CCDC178: variants seen among roughly 807,000 people sequenced by gnomAD.
The protein encoded by CCDC178 is coiled-coil domain containing 178, also known as coiled-coil domain-containing protein 178.
CCDC178 carries 126 observed loss-of-function variants against 117.4 expected under a neutral mutation model. The ratio of observed to expected loss-of-function variants is 1.07; its 90% CI spans 0.93 to 1.24. CCDC178 has a LOEUF of 1.24. CCDC178 is among the 50% of genes most tolerant of loss of function. The pLI is 0.00. For synonymous variants in CCDC178, 283 were observed against 313.4 expected (o/e 0.90, Z 1.02); for missense variants, 1,030 against 986.9 (o/e 1.04, Z -0.59).
chr18:33,281,258 C>T (rs2060022845), intron 12 of CCDC178, among the ~76,000 whole-genome samples: 1 of 151,824 alleles, frequency 6.6e-6, no homozygotes, highest in Admixed American at 6.6e-5. Context: ...TTTCTTAGTT[C>T]TCCATTTCAC....
At chr18:33,171,784 C>T (rs1390273240) in intron 20 of CCDC178, among the ~76,000 whole-genome samples, 1 of 152,192 alleles carries the variant, frequency 6.6e-6, no homozygotes, top group African/African-American at 2.4e-5. Flanking sequence ...CTTTAGTTTC[C>T]TGTGTTCCCA....
rs570930427 is a variant in CCDC178 at position 33,292,148 on chromosome 18, T to C, written c.1176+1011A>G. Among the ~76,000 whole-genome samples, 25 of 152,310 alleles carry C rather than the reference T, an allele frequency of 1.6e-4. No individual in the cohort carries two copies. The South Asian group carries it at 4.8e-3, about 29-fold the overall frequency. On this transcript the variant is annotated intron_variant, in intron 12 of 22. Coordinates refer to ENST00000383096, the MANE Select transcript of CCDC178 (RefSeq NM_001105528.4). ...CTACACCTTCATGTTTACTGTGGCA[T>C]AATTCACAAAACCTAAGATATGAAA...
intron 3 of CCDC178, among the ~76,000 whole-genome samples, chr18:33,399,860 C>G (rs1403883440): frequency 6.6e-6 from 1 of 152,140 alleles, no homozygotes; most frequent in Non-Finnish European, 1.5e-5. Context: ...GTACACTTTC[C>G]TCAAGGTTTT....
intron 11 of CCDC178, among the ~76,000 whole-genome samples, chr18:33,318,940 CT>C (rs2062461228): frequency 6.6e-6 from 1 of 152,056 alleles, no homozygotes; most frequent in South Asian, 2.1e-4. Context: ...AAGAAAATAT[CT>C]TTTGAACAAA....
At chr18:33,094,674 T>C (rs2057516854) in intron 20 of CCDC178, among the ~76,000 whole-genome samples, 1 of 151,982 alleles carries the variant, frequency 6.6e-6, no homozygotes, top group Admixed American at 6.6e-5. Flanking sequence ...TATACTTTGC[T>C]CAATGTTTAA....
rs767516233 is a variant in CCDC178, at chr18:33,378,429, ATTTC to A, written c.209-8244_209-8241del. On this transcript the variant is annotated intron_variant, in intron 5 of 22. Coordinates refer to ENST00000383096, the MANE Select transcript of CCDC178 (RefSeq NM_001105528.4). ...ACATCTTCCTGTTTGGATGCCTTTTATTTCTTTCTCTCACCTGATTGCTATGGCA... is the reference window on the plus strand; with the variant it reads ...ACATCTTCCTGTTTGGATGCCTTTTATTTCTCTCACCTGATTGCTATGGCA... Among the ~76,000 whole-genome samples the A allele has an allele frequency of 3.6e-4, 55 of 152,122 alleles. No homozygotes were observed. In the Middle Eastern group the frequency reaches 0.014, roughly 38 times the overall value.
intron 2 of CCDC178, among the ~76,000 whole-genome samples, chr18:33,419,587 A>G (rs1439061225): frequency 2.6e-5 from 4 of 152,182 alleles, no homozygotes; most frequent in Non-Finnish European, 4.4e-5. Context: ...AAACTAACTA[A>G]TAAGTACAAA....
At chr18:33,168,807 G>A (rs1245043212) in intron 20 of CCDC178, among the ~76,000 whole-genome samples, 5 of 152,158 alleles carry the variant, frequency 3.3e-5, no homozygotes, top group African/African-American at 1.2e-4. Flanking sequence ...ATTTTGAGCT[G>A]ACAGAACTTA....
intron 14 of CCDC178, among the ~76,000 whole-genome samples, chr18:33,260,053 A>C (rs1201578304): frequency 6.6e-6 from 1 of 152,036 alleles, no homozygotes; most frequent in Non-Finnish European, 1.5e-5. Context: ...AAAAAAATAC[A>C]CATATATATA....
chr18:33,098,304 T>C (rs1040541541), intron 20 of CCDC178, among the ~76,000 whole-genome samples: 10 of 152,200 alleles, frequency 6.6e-5, no homozygotes, highest in Admixed American at 2.0e-4. Flanking sequence ...TAGCAATGTG[T>C]CATATATACC....
intron 9 of CCDC178, among the ~76,000 whole-genome samples, chr18:33,334,852 A>T (rs1423210943): frequency 6.6e-6 from 1 of 152,048 alleles, no homozygotes; most frequent in East Asian, 1.9e-4. Context: ...CATTCCTTTA[A>T]TGACTATATG....
chr18:33,127,337 A>C (rs1423555150), intron 20 of CCDC178, among the ~76,000 whole-genome samples: 1 of 152,110 alleles, frequency 6.6e-6, no homozygotes, highest in African/African-American at 2.4e-5. Context: ...AAAGAATGGA[A>C]TCTCTTAGAG....
chr18:33,269,125 T>G (rs1385531014), intron 12 of CCDC178, among the ~76,000 whole-genome samples: 1 of 151,840 alleles, frequency 6.6e-6, no homozygotes. Context: ...CAAGGATGTC[T>G]GCATTTGATT....
intron 21 of CCDC178, among the ~76,000 whole-genome samples, chr18:32,999,583 G>C (rs2055590102): frequency 6.6e-6 from 1 of 152,142 alleles, no homozygotes; most frequent in Non-Finnish European, 1.5e-5. Context: ...TCCCAGTGGT[G>C]GTGGCCACAG....
intron 21 of CCDC178, among the ~76,000 whole-genome samples, chr18:33,002,471 A>C (rs1177921320): frequency 6.6e-6 from 1 of 152,072 alleles, no homozygotes; most frequent in Non-Finnish European, 1.5e-5. Context: ...GAAAATTTAA[A>C]ATTTTTTTAA....
chr18:33,375,568 A>G (rs2063353476), intron 5 of CCDC178, among the ~76,000 whole-genome samples: 1 of 152,206 alleles, frequency 6.6e-6, no homozygotes, highest in South Asian at 2.1e-4. Context: ...AGAAGTTGAT[A>G]TACCACAAAC....
intron 20 of CCDC178, among the ~76,000 whole-genome samples, chr18:33,176,594 G>A (rs1433087667): frequency 6.6e-6 from 1 of 151,762 alleles, no homozygotes; most frequent in Non-Finnish European, 1.5e-5. Flanking sequence ...CACTTATCTG[G>A]GTACAAGTTC....
chr18:33,141,696 G>A (rs2058207471), intron 20 of CCDC178, among the ~76,000 whole-genome samples: 2 of 152,210 alleles, frequency 1.3e-5, no homozygotes, highest in South Asian at 4.1e-4. Context: ...GGGCATGTTA[G>A]ACTCTATGGG....
chr18:33,430,397 A>G (rs972438085), intron 2 of CCDC178, among the ~76,000 whole-genome samples: 1 of 152,164 alleles, frequency 6.6e-6, no homozygotes, highest in Non-Finnish European at 1.5e-5. Flanking sequence ...TCATTGCACA[A>G]TTTCCTCTTT....
Sources: gnomAD v4.1 joint callset for allele counts (sites outside exome capture counted in the v4.1 genomes callset) on GRCh38, gnomAD v4.1.1 for gene constraint, MANE v1.5 for transcripts, NCBI Gene and HGNC (gene_info 2026-07-23, HGNC 2026-07-21) for gene names.